Variants in GRID2 observed in about 807,000 individuals in gnomAD.
GRID2 encodes glutamate receptor ionotropic, delta-2.
Under a neutral mutation model 114.8 loss-of-function variants are expected in GRID2, and 33 were observed. That is an observed-to-expected ratio of 0.29 (90% CI 0.22 to 0.38). The LOEUF is 0.38. Ranked by LOEUF, GRID2 falls within the 10% of genes least tolerant of loss-of-function variation. GRID2 has a pLI of 1.00. For missense variants in GRID2, 1,184 were observed against 1,257.7 expected, an observed-to-expected ratio of 0.94 and a Z score of 0.89; for synonymous variants, 505 against 449.9, an observed-to-expected ratio of 1.12 and a Z score of -1.55.
intron 4 of GRID2, among the ~76,000 whole-genome samples, chr4:93,134,665 A>C (rs1034004640): frequency 2.0e-5 from 3 of 152,100 alleles, no homozygotes; most frequent in African/African-American, 4.8e-5. Flanking sequence ...ATTCTCAGCC[A>C]CTATTAAGGC....
At chr4:92,966,637 G>A (rs1753176543) in intron 2 of GRID2, among the ~76,000 whole-genome samples, 2 of 151,800 alleles carry the variant, frequency 1.3e-5, no homozygotes, top group Non-Finnish European at 2.9e-5. Context: ...TCATAAATAG[G>A]AGTTCCCCTG....
chr4:92,759,229 T>A (rs1737870466), intron 2 of GRID2, among the ~76,000 whole-genome samples: 1 of 152,196 alleles, frequency 6.6e-6, no homozygotes, highest in Admixed American at 6.5e-5. Flanking sequence ...TAGAGATCCA[T>A]AATATCTCCA....
At chr4:93,757,421 TC>T (rs1732844030) in intron 14 of GRID2, among the ~76,000 whole-genome samples, 1 of 152,188 alleles carries the variant, frequency 6.6e-6, no homozygotes, top group African/African-American at 2.4e-5. Context: ...AGTACTCTTT[TC>T]CCAATCTCCA....
intron 8 of GRID2, among the ~76,000 whole-genome samples, chr4:93,295,279 T>C (rs4524351): frequency 0.72 from 109,893 of 151,892 alleles, 40,644 homozygotes; most frequent in African/African-American, 0.87. Context: ...ATGTGGAGTC[T>C]TGGATTTTCC....
intron 8 of GRID2, among the ~76,000 whole-genome samples, chr4:93,303,401 T>G (rs560206394): frequency 2.0e-5 from 3 of 152,328 alleles, no homozygotes; most frequent in Non-Finnish European, 4.4e-5. Context: ...GAGAGAGAAC[T>G]TCCCCTCCAA....
intron 12 of GRID2, among the ~76,000 whole-genome samples, chr4:93,499,886 T>G (rs1378785166): frequency 6.6e-6 from 1 of 151,998 alleles, no homozygotes; most frequent in Non-Finnish European, 1.5e-5. Flanking sequence ...ATGATGAAAC[T>G]GAAGCTAGGG....
At chr4:92,624,687 T>A (rs894886927) in intron 2 of GRID2, among the ~76,000 whole-genome samples, 1 of 151,728 alleles carries the variant, frequency 6.6e-6, no homozygotes, top group Non-Finnish European at 1.5e-5. Context: ...CATTTAAGAA[T>A]CTTCAACCAA....
chr4:92,829,901 G>A (rs1741983259), intron 2 of GRID2, among the ~76,000 whole-genome samples: 1 of 151,974 alleles, frequency 6.6e-6, no homozygotes, highest in South Asian at 2.1e-4. Context: ...ATGGACACAA[G>A]GAGGGGAACA....
chr4:92,701,004 A>AC (rs1184137591), intron 2 of GRID2, among the ~76,000 whole-genome samples: 5 of 151,784 alleles, frequency 3.3e-5, no homozygotes. Context: ...AAAAAAAAAA[A>AC]AAAAAAGACA....
Position 92,821,347 on chromosome 4 carries a change from A to G in GRID2, c.244+231061A>G, listed in dbSNP as rs180704932. On this transcript the variant is annotated intron_variant, in intron 2 of 15. Transcript: ENST00000282020. ...AGAAGAGAGAACAAAATGGTTGACA[A>G]CCTTATCTGTCATGCTTAATTTATT... Among the ~76,000 whole-genome samples, 49 of 152,294 alleles carry G rather than the reference A, an allele frequency of 3.2e-4. 1 individual carries two copies. Among genetic ancestry groups the G allele is most frequent in the African/African-American group, 9.9e-4 (41 of 41,572 alleles).
intron 8 of GRID2, among the ~76,000 whole-genome samples, chr4:93,271,696 A>AT (rs1244933482): frequency 1.3e-5 from 2 of 152,200 alleles, no homozygotes; most frequent in East Asian, 3.8e-4. Context: ...ACCTGTCTAA[A>AT]TTTTTTGAAA....
intron 14 of GRID2, among the ~76,000 whole-genome samples, chr4:93,730,256 A>C (rs1730359467): frequency 6.6e-6 from 1 of 152,222 alleles, no homozygotes; most frequent in Non-Finnish European, 1.5e-5. Flanking sequence ...GAAGACAAAC[A>C]AGGGATGTAG....
chr4:93,550,532 A>G (rs904151830), intron 13 of GRID2, among the ~76,000 whole-genome samples: 2 of 152,142 alleles, frequency 1.3e-5, no homozygotes, highest in Admixed American at 1.3e-4. Flanking sequence ...TTTCCTTATA[A>G]CTTGCATTCA....
intron 2 of GRID2, among the ~76,000 whole-genome samples, chr4:92,719,632 C>T (rs1046968485): frequency 3.3e-5 from 5 of 152,092 alleles, no homozygotes; most frequent in African/African-American, 1.2e-4. Context: ...GATCTATGAA[C>T]TTGCATGAGC....
At chr4:92,323,545 T>G (rs1377080069) in intron 1 of GRID2, among the ~76,000 whole-genome samples, 1 of 152,092 alleles carries the variant, frequency 6.6e-6, no homozygotes, top group Non-Finnish European at 1.5e-5. Flanking sequence ...CCCCTCATTC[T>G]CTTGCTCTTT....
intron 8 of GRID2, among the ~76,000 whole-genome samples, chr4:93,355,175 T>C (rs1374572316): frequency 6.6e-6 from 1 of 151,942 alleles, no homozygotes. Flanking sequence ...CATTACTTAC[T>C]ACTGTGGAAC....
intron 14 of GRID2, among the ~76,000 whole-genome samples, chr4:93,676,836 C>A (rs1287959137): frequency 6.6e-6 from 1 of 151,752 alleles, no homozygotes; most frequent in Non-Finnish European, 1.5e-5. Context: ...GTCTACAGCT[C>A]CTAGTGTGAG....
intron 4 of GRID2, among the ~76,000 whole-genome samples, chr4:93,124,714 G>A (rs1325922118): frequency 6.6e-6 from 1 of 151,998 alleles, no homozygotes; most frequent in Non-Finnish European, 1.5e-5. Flanking sequence ...AAATTAGATA[G>A]TCTCTCTAGA....
chr4:93,462,811 A>C (rs1723874151), intron 11 of GRID2, among the ~76,000 whole-genome samples: 1 of 152,204 alleles, frequency 6.6e-6, no homozygotes, highest in Non-Finnish European at 1.5e-5. Context: ...TGCAGTAGCT[A>C]AAGCCATTTC....
Sources: gnomAD v4.1 joint callset for allele counts (sites outside exome capture counted in the v4.1 genomes callset) on GRCh38, gnomAD v4.1.1 for gene constraint, MANE v1.5 for transcripts, NCBI Gene and HGNC (gene_info 2026-07-23, HGNC 2026-07-21) for gene names.